AOPEP: variants seen among roughly 807,000 people sequenced by gnomAD.
AOPEP encodes aminopeptidase O (putative).
In AOPEP, 77 loss-of-function variants were observed where a neutral mutation model predicts 98.1. That is an observed-to-expected ratio of 0.78 (90% CI 0.65 to 0.95). AOPEP has a LOEUF of 0.95. Ranked by LOEUF, AOPEP falls within the 40% of genes least tolerant of loss-of-function variation. AOPEP has a pLI of 0.00. For missense variants in AOPEP, 1,024 were observed against 1,024.7 expected, an observed-to-expected ratio of 1.00 and a Z score of 0.01; for synonymous variants, 346 against 365.3, an observed-to-expected ratio of 0.95 and a Z score of 0.60.
chr9:95,117,723 A>AT, the AOPEP span, among the ~76,000 whole-genome samples: 60,927 of 136,752 alleles, frequency 0.45, 13,600 homozygotes, highest in East Asian at 0.53. Context: ...GTATTTCAGC[A>AT]TTTTTTTTTT....
Position 94,955,203 on chromosome 9 carries a change from C to T in AOPEP, c.1688C>T (p.Thr563Ile). Residue 563 changes from threonine (T) to isoleucine (I), a missense_variant, in exon 8 of 17, where the codon ACA becomes ATA. Physicochemically the swap from Thr to Ile is moderately conservative, Grantham distance 89. This residue lies in a region of AOPEP where 566 missense variants were observed against 551.7 expected (regional missense o/e 1.03). Transcript: ENST00000375315. ...CCCAGTAAAGACAAAACTGGCCACA[C>T]AAGTGACTCGGGAGCATCTGTTATC... ...LRPSKDKTGH[T>I]SDSGASVIKH... The T allele has an allele frequency of 6.2e-7, 1 of 1,612,956 alleles. No homozygotes were observed. Among genetic ancestry groups the T allele is most frequent in the Non-Finnish European group, 8.5e-7 (1 of 1,179,628 alleles).
intron 13 of AOPEP, among the ~76,000 whole-genome samples, chr9:95,033,666 T>C (rs935426807): frequency 1.3e-5 from 2 of 152,228 alleles, no homozygotes; most frequent in African/African-American, 2.4e-5. Flanking sequence ...CTACTTAATA[T>C]GTCTTTCATC....
At chr9:94,936,064 T>A (rs1170156923) in intron 7 of AOPEP, among the ~76,000 whole-genome samples, 13 of 152,288 alleles carry the variant, frequency 8.5e-5, no homozygotes, top group Admixed American at 1.3e-4. Context: ...CCACCCCTAA[T>A]ACCACTGTCT....
the AOPEP span, among the ~76,000 whole-genome samples, chr9:95,108,139 G>GT: frequency 3.3e-5 from 5 of 151,970 alleles, no homozygotes; most frequent in Non-Finnish European, 5.9e-5. Flanking sequence ...TGTGTGAGGC[G>GT]TTTTTTTTCC....
At chr9:94,834,750 A>C (rs2041347106) in intron 5 of AOPEP, among the ~76,000 whole-genome samples, 1 of 152,152 alleles carries the variant, frequency 6.6e-6, no homozygotes, top group Non-Finnish European at 1.5e-5. Flanking sequence ...CAGAGATTGC[A>C]CCATTGCACT....
At chr9:94,931,646 T>G in intron 7 of AOPEP, 1 of 996,962 alleles carries the variant, frequency 1.0e-6, no homozygotes. Context: ...GTTCTTTCTT[T>G]CAAGATGCCC....
At chr9:94,867,169 A>G (rs1226506857) in intron 5 of AOPEP, among the ~76,000 whole-genome samples, 1 of 152,232 alleles carries the variant, frequency 6.6e-6, no homozygotes, top group Non-Finnish European at 1.5e-5. Flanking sequence ...GTTATTACCT[A>G]TCAAGTTTAT....
At chr9:94,857,838 C>A (rs772561559) in intron 5 of AOPEP, among the ~76,000 whole-genome samples, 9 of 152,208 alleles carry the variant, frequency 5.9e-5, no homozygotes, top group Non-Finnish European at 1.3e-4. Flanking sequence ...AAACACAGAT[C>A]TCTGTGGATC....
intron 7 of AOPEP, among the ~76,000 whole-genome samples, chr9:94,949,725 CA>C (rs1170826132): frequency 6.6e-6 from 1 of 152,230 alleles, no homozygotes; most frequent in African/African-American, 2.4e-5. Context: ...AAATGCTAGT[CA>C]GTGGCAAATG....
At chr9:95,114,710 T>C in the AOPEP span, 1 of 1,614,054 alleles carries the variant, frequency 6.2e-7, no homozygotes, top group Non-Finnish European at 8.5e-7. Flanking sequence ...CCGAGGGATA[T>C]CTGCGGGTGG....
chr9:94,986,041 G>A (rs372088835), intron 11 of AOPEP, among the ~76,000 whole-genome samples: 1 of 152,162 alleles, frequency 6.6e-6, no homozygotes, highest in African/African-American at 2.4e-5. Context: ...GTTTGCTGGG[G>A]TTGCCATAAC....
intron 5 of AOPEP, among the ~76,000 whole-genome samples, chr9:94,847,152 A>ACACACT (rs1448564968): frequency 3.6e-4 from 51 of 140,558 alleles, no homozygotes; most frequent in African/African-American, 1.1e-3. Flanking sequence ...ACACACACAC[A>ACACACT]CTCTCTCTGT....
At chr9:94,970,593 G>A (rs188373018) in intron 10 of AOPEP, among the ~76,000 whole-genome samples, 312 of 151,372 alleles carry the variant, frequency 2.1e-3, no homozygotes, top group Admixed American at 5.6e-3. Flanking sequence ...GATTTCCAAG[G>A]CCCCACGCAG....
At chr9:95,019,122 A>G (rs1435036176) in intron 13 of AOPEP, 1 of 152,230 alleles carries the variant, frequency 6.6e-6, no homozygotes, top group Non-Finnish European at 1.5e-5. Context: ...GCAAGTATAC[A>G]GCAGCAAGTA....
At chr9:94,854,862 C>G (rs1395505564) in intron 5 of AOPEP, among the ~76,000 whole-genome samples, 1 of 152,088 alleles carries the variant, frequency 6.6e-6, no homozygotes, top group Non-Finnish European at 1.5e-5. Flanking sequence ...CAAACGAGCT[C>G]TACATATGAG....
chr9:94,879,225 T>C (rs1047151395), intron 5 of AOPEP, among the ~76,000 whole-genome samples: 1 of 152,260 alleles, frequency 6.6e-6, no homozygotes, highest in African/African-American at 2.4e-5. Context: ...AAAGGCCGTC[T>C]AGTACCCAGG....
chr9:94,924,158 T>C lies in AOPEP; in HGVS notation c.1537T>C (p.Trp513Arg). The C allele has an allele frequency of 1.4e-6, 2 of 1,440,260 alleles. No homozygotes were observed. The highest frequency in any genetic ancestry group is 1.8e-6 in the Non-Finnish European group (2 of 1,088,532). 89.2% of individuals were successfully genotyped at this position (1,440,260 alleles called of 1,614,324 possible). A position where few individuals can be genotyped will look rare whatever the true frequency, so the allele number is the denominator to read the frequency against. ...GFATHLEDVF[W>R]ATAQQLAPYE... Reference sequence around the variant, plus strand: ...CGCCACTCACTTGGAGGATGTGTTTTGGGCCACAGCACAGCAGGTGGGTTA... The same window carrying C: ...CGCCACTCACTTGGAGGATGTGTTTCGGGCCACAGCACAGCAGGTGGGTTA... The change falls in exon 6 of 17, where the codon TGG becomes CGG. Residue 513 changes from tryptophan to arginine, a missense_variant. Trp to Arg is a moderately radical substitution (Grantham distance 101). Transcript: ENST00000375315.
chr9:95,043,073 G>T (rs1009903992), intron 13 of AOPEP, among the ~76,000 whole-genome samples: 2 of 151,740 alleles, frequency 1.3e-5, no homozygotes, highest in Non-Finnish European at 2.9e-5. Flanking sequence ...AGGAGTTCGA[G>T]ATCGGCCTGG....
At chr9:95,079,137 C>A (rs940584840) in intron 14 of AOPEP, among the ~76,000 whole-genome samples, 6 of 152,350 alleles carry the variant, frequency 3.9e-5, no homozygotes, top group African/African-American at 1.2e-4. Context: ...CCCAGGGCCG[C>A]CCAGTGGAAT....
Sources: gnomAD v4.1 joint callset for allele counts (sites outside exome capture counted in the v4.1 genomes callset) on GRCh38, gnomAD v4.1.1 for gene constraint, gnomAD v4.1.1 regional missense constraint, MANE v1.5 for transcripts, NCBI Gene and HGNC (gene_info 2026-07-23, HGNC 2026-07-21) for gene names.